MYO9B: variants seen among roughly 807,000 people sequenced by gnomAD.
The protein encoded by MYO9B is myosin IXB.
A neutral mutation model predicts 229.5 loss-of-function variants in MYO9B; 71 were observed. That is an observed-to-expected ratio of 0.31 (90% confidence interval 0.26 to 0.38). The LOEUF (loss-of-function observed/expected upper bound fraction) is 0.38, where lower values mean the gene tolerates loss of function less well. Among genes scored for constraint, MYO9B ranks in the 10% least tolerant of loss-of-function variants. MYO9B has a pLI of 1.00. For synonymous variants in MYO9B, 1,185 were observed against 1,235.8 expected, an observed-to-expected ratio of 0.96 and a Z score of 0.86; for missense variants, 2,255 against 2,920.5, an observed-to-expected ratio of 0.77 and a Z score of 5.25.
intron 2 of MYO9B, among the ~76,000 whole-genome samples, chr19:17,115,058 A>G (rs2057888098): frequency 6.6e-6 from 1 of 151,542 alleles, no homozygotes; most frequent in African/African-American, 2.4e-5. Flanking sequence ...GTCCAGTCAT[A>G]GTTCACTGCA....
rs796290437 is a variant in MYO9B, at chr19:17,177,286, G to GTT, written c.2219+1559_2219+1560dup. Among the ~76,000 whole-genome samples, 289 of 132,824 alleles carry GTT rather than the reference G, an allele frequency of 2.2e-3. 2 individuals are homozygous for GTT. Among genetic ancestry groups the GTT allele is most frequent in the African/African-American group, 7.2e-3 (270 of 37,516 alleles). 87.1% of individuals were successfully genotyped at this position (132,824 alleles called of 152,430 possible). On this transcript the variant is annotated intron_variant, in intron 14 of 39. Coordinates refer to ENST00000682292, the MANE Select transcript of MYO9B (RefSeq NM_004145.4). ...ATTCCTCTGTTGTTTTTGTTTGTTG[G>GTT]TTTTTTTTTTTTTTTGGTCCCCCAA... is the stretch of plus-strand genomic sequence containing the variant.
chr19:17,111,450 ATG>A (rs2057847540), intron 2 of MYO9B, among the ~76,000 whole-genome samples: 1 of 152,192 alleles, frequency 6.6e-6, no homozygotes, highest in Non-Finnish European at 1.5e-5. Context: ...CATTTTATAA[ATG>A]TATAAATTAT....
At chr19:17,135,201 G>A (rs1323433197) in intron 2 of MYO9B, among the ~76,000 whole-genome samples, 2 of 152,134 alleles carry the variant, frequency 1.3e-5, no homozygotes, top group African/African-American at 4.8e-5. Flanking sequence ...GCTAGACCTA[G>A]TGAGATAATA....
At chr19:17,208,372 C>G (rs906533244) in intron 35 of MYO9B, among the ~76,000 whole-genome samples, 6 of 143,102 alleles carry the variant, frequency 4.2e-5, no homozygotes, top group Non-Finnish European at 7.5e-5. Context: ...GGCAGTGGCC[C>G]CAGCAGTTGT....
chr19:17,190,637 CA>C (rs576678289), intron 19 of MYO9B, among the ~76,000 whole-genome samples: 198 of 108,900 alleles, frequency 1.8e-3, no homozygotes, highest in African/African-American at 4.5e-3. Flanking sequence ...GACCCCGTCT[CA>C]AAAAAAAAAA....
At chr19:17,147,650 C>T (rs1172116404) in intron 3 of MYO9B, among the ~76,000 whole-genome samples, 1 of 148,680 alleles carries the variant, frequency 6.7e-6, no homozygotes, top group African/African-American at 2.5e-5. Context: ...GTGTGAGCCA[C>T]TGCGCCCAGA....
At chr19:17,160,510 C>CTTTTTTTTTTTTTTTTTTTTTTT (rs34857957) in intron 8 of MYO9B, among the ~76,000 whole-genome samples, 1 of 128,172 alleles carries the variant, frequency 7.8e-6, no homozygotes, top group Non-Finnish European at 1.6e-5. Context: ...TCTTTTTTTT[C>CTTTTTTTTTTTTTTTTTTTTTTT]TTTTTTTTTT....
In MYO9B at chr19:17,192,966, C is replaced by T. The variant is rs2073002707; in HGVS notation, c.3032C>T (p.Ser1011Leu). Residue 1011 changes from serine to leucine, a missense_variant, in exon 21 of 40, where the codon TCA becomes TTA. Around this residue, in one of 7 missense-constraint regions of MYO9B, gnomAD observed 679 missense variants for 770.2 expected, o/e 0.88. Transcript: ENST00000682292. ...CAGGCTGCCGTGTACCTCCAGGCCT[C>T]ATGGAGGGGCTACTGGCAGCGGAAG... is the stretch of plus-strand genomic sequence containing the variant. The part of the protein sequence containing the change: ...RTQAAVYLQA[S>L]WRGYWQRKLY... The T allele has an allele frequency of 1.3e-6, 2 of 1,528,188 alleles. No homozygotes were observed. The highest frequency in any genetic ancestry group is 1.8e-6 in the Non-Finnish European group (2 of 1,131,630). The allele number at this position is 1,528,188 out of a possible 1,614,324, so 94.7% of individuals were successfully genotyped here. A position where few individuals can be genotyped will look rare whatever the true frequency, so the allele number is the denominator to read the frequency against.
intron 24 of MYO9B, among the ~76,000 whole-genome samples, chr19:17,198,734 CAAAAAAA>C (rs59292415): frequency 1.2e-4 from 5 of 41,208 alleles, no homozygotes; most frequent in South Asian, 9.2e-4. Context: ...GACTCCGTCT[CAAAAAAA>C]AAAAAAAAAA....
At chr19:17,113,973 T>A (rs1409248019) in intron 2 of MYO9B, among the ~76,000 whole-genome samples, 1 of 151,486 alleles carries the variant, frequency 6.6e-6, no homozygotes, top group Non-Finnish European at 1.5e-5. Flanking sequence ...CCTGTTGATA[T>A]GTGGGCTGGA....
At chr19:17,206,820 G>A (rs754105596) in intron 34 of MYO9B, 36 bp downstream of exon 34, 2 of 1,501,360 alleles carry the variant, frequency 1.3e-6, no homozygotes, top group East Asian at 2.4e-5. Context: ...GTGGGGTTAG[G>A]GTCGCATTGG....
At chr19:17,098,802 G>A (rs930587872) in intron 1 of MYO9B, among the ~76,000 whole-genome samples, 1 of 152,018 alleles carries the variant, frequency 6.6e-6, no homozygotes, top group African/African-American at 2.4e-5. Flanking sequence ...ATGCATCGTG[G>A]TGTGCACCTA....
chr19:17,134,386 T>G (rs1305207090), intron 2 of MYO9B, among the ~76,000 whole-genome samples: 18 of 82,990 alleles, frequency 2.2e-4, no homozygotes, highest in South Asian at 4.5e-4. Context: ...TGTTTGTTTT[T>G]TTTTTTTTTT....
chr19:17,099,599 A>C (rs370436867), intron 1 of MYO9B, among the ~76,000 whole-genome samples: 177 of 152,106 alleles, frequency 1.2e-3, no homozygotes, highest in East Asian at 4.1e-3. Flanking sequence ...GTGGATCACG[A>C]GGTCAGGAGA....
intron 2 of MYO9B, among the ~76,000 whole-genome samples, chr19:17,109,109 G>A (rs902827363): frequency 7.7e-5 from 11 of 143,584 alleles, no homozygotes; most frequent in South Asian, 4.5e-4. Flanking sequence ...CTCTGTCTCC[G>A]GGCTGGAGTG....
At chr19:17,155,108 G>T (rs927739987) in intron 6 of MYO9B, among the ~76,000 whole-genome samples, 1 of 152,060 alleles carries the variant, frequency 6.6e-6, no homozygotes, top group Non-Finnish European at 1.5e-5. Context: ...ATTTCAGCTC[G>T]GGCAACAGAG....
intron 1 of MYO9B, among the ~76,000 whole-genome samples, chr19:17,100,055 G>A (rs565017407): frequency 1.8e-4 from 28 of 151,458 alleles, no homozygotes; most frequent in Non-Finnish European, 3.7e-4. Flanking sequence ...CCAGGAGGTG[G>A]AGGTTGCAGT....
At chr19:17,198,427 C>T (rs2073070971) in intron 24 of MYO9B, 119 bp downstream of exon 24, 1 of 1,393,816 alleles carries the variant, frequency 7.2e-7, no homozygotes, top group Non-Finnish European at 9.7e-7. Context: ...TTCGCAAAGG[C>T]ATTTGCTCAG....
At chr19:17,159,528 C>G in intron 8 of MYO9B, 44 bp downstream of exon 8, 1 of 1,526,536 alleles carries the variant, frequency 6.6e-7, no homozygotes, top group South Asian at 1.2e-5. Context: ...ATCCCAAAAA[C>G]CAAGTGGGAA....
Sources: allele counts gnomAD v4.1 joint callset (sites outside exome capture counted in the v4.1 genomes callset), GRCh38; gene constraint gnomAD v4.1.1; regional missense constraint gnomAD v4.1.1; transcripts MANE v1.5; gene names NCBI Gene and HGNC (gene_info 2026-07-23, HGNC 2026-07-21).